Variants in KCNK2 observed in about 807,000 individuals in gnomAD.
The protein encoded by KCNK2 is potassium two pore domain channel subfamily K member 2.
KCNK2 carries 21 observed loss-of-function variants against 40.5 expected under a neutral mutation model. The observed-to-expected ratio is 0.52, with a 90% CI of 0.37 to 0.75. The LOEUF (loss-of-function observed/expected upper bound fraction) is 0.75. Among genes scored for constraint, KCNK2 ranks in the 30% least tolerant of loss-of-function variants. The probability of loss-of-function intolerance (pLI) is 0.00; values close to 1 mark genes in which losing one functional copy is unlikely to be tolerated. For synonymous variants in KCNK2, 191 were observed against 202.2 expected, an observed-to-expected ratio of 0.94 and a Z score of 0.47; for missense variants, 399 against 531.6, an observed-to-expected ratio of 0.75 and a Z score of 2.45.
At chr1:215,115,889 C>T (rs1011752172) in intron 2 of KCNK2, among the ~76,000 whole-genome samples, 18 of 151,680 alleles carry the variant, frequency 1.2e-4, no homozygotes, top group African/African-American at 3.4e-4. Context: ...AGGGAAATGC[C>T]GCTTCAGTGT....
chr1:215,106,305 C>T (rs536175513), intron 2 of KCNK2, among the ~76,000 whole-genome samples: 2 of 152,206 alleles, frequency 1.3e-5, no homozygotes, highest in South Asian at 4.1e-4. Flanking sequence ...GATGGTATCT[C>T]ATCGTAGTTT....
At position 215,182,059 on chromosome 1, in the gene KCNK2, G is replaced by C. The variant is rs561006829; in HGVS notation, c.823+9876G>C. ...GGAGATCTAAACTCTTAATCCAAGA[G>C]AGTAGTTGCTCCAGATGCCTGGAGA... is the stretch of plus-strand genomic sequence containing the variant. On this transcript the variant is annotated intron_variant, in intron 5 of 6. Coordinates refer to ENST00000444842, the MANE Select transcript of KCNK2 (RefSeq NM_001017425.3). Among the ~76,000 whole-genome samples, 4 of 152,300 alleles carry C rather than the reference G, an allele frequency of 2.6e-5. No individual in the cohort carries two copies. The South Asian group carries it at 6.2e-4, about 24-fold the overall frequency.
intron 5 of KCNK2, among the ~76,000 whole-genome samples, chr1:215,180,655 T>C (rs921033078): frequency 3.3e-5 from 5 of 152,152 alleles, no homozygotes; most frequent in Non-Finnish European, 7.4e-5. Flanking sequence ...CTGGTTGAAA[T>C]TTCTTTTCTT....
chr1:215,109,130 T>C lies in KCNK2; in HGVS notation c.358-15503T>C, dbSNP rs139684782. On this transcript the variant is annotated intron_variant, in intron 2 of 6. Transcript: ENST00000444842. ...TACATGTTAAATTTTGTTGCATGCA[T>C]AGAATGTGTAATGATTAAGTCAGGG... Among the ~76,000 whole-genome samples, 369 of 138,282 alleles carry C rather than the reference T, an allele frequency of 2.7e-3. 2 individuals carry two copies. Among genetic ancestry groups the C allele is most frequent in the African/African-American group, 0.012 (353 of 28,702 alleles). 90.7% of individuals were successfully genotyped at this position (138,282 alleles called of 152,430 possible). A position where few individuals can be genotyped will look rare whatever the true frequency, so the allele number is the denominator to read the frequency against.
intron 6 of KCNK2, among the ~76,000 whole-genome samples, chr1:215,230,217 G>A (rs942289378): frequency 4.0e-5 from 6 of 149,428 alleles, no homozygotes; most frequent in South Asian, 2.1e-4. Context: ...CATAGAGTGC[G>A]CTTACACAAA....
chr1:215,176,062 A>T (rs1663955278), intron 5 of KCNK2, among the ~76,000 whole-genome samples: 1 of 152,166 alleles, frequency 6.6e-6, no homozygotes, highest in South Asian at 2.1e-4. Flanking sequence ...TTCTTTGAGA[A>T]GTCTCCAAAC....
At chr1:215,177,845 A>G (rs1664053643) in intron 5 of KCNK2, among the ~76,000 whole-genome samples, 1 of 141,698 alleles carries the variant, frequency 7.1e-6, no homozygotes, top group Non-Finnish European at 1.5e-5. Flanking sequence ...TTTTAGGATT[A>G]CTTTGACTGT....
intron 1 of KCNK2, among the ~76,000 whole-genome samples, chr1:215,042,994 C>T (rs929104547): frequency 1.3e-5 from 2 of 152,126 alleles, no homozygotes; most frequent in Admixed American, 6.5e-5. Flanking sequence ...ATGTTTATTG[C>T]TATGCAGCCT....
chr1:215,209,806 A>T (rs866461526), intron 6 of KCNK2, among the ~76,000 whole-genome samples: 8 of 24,228 alleles, frequency 3.3e-4, no homozygotes, highest in South Asian at 2.0e-3. Context: ...AAAATATATA[A>T]TATATATAAA....
intron 2 of KCNK2, among the ~76,000 whole-genome samples, chr1:215,098,813 C>A (rs2102547811): frequency 6.6e-6 from 1 of 151,928 alleles, no homozygotes; most frequent in South Asian, 2.1e-4. Flanking sequence ...TAATTTGTCA[C>A]CTTATAGTAG....
chr1:215,045,545 A>T (rs778617394), intron 1 of KCNK2, among the ~76,000 whole-genome samples: 1 of 152,238 alleles, frequency 6.6e-6, no homozygotes, highest in Non-Finnish European at 1.5e-5. Flanking sequence ...AGGATTATGC[A>T]TATCTTGGGT....
chr1:215,090,845 G>A (rs562461548), intron 2 of KCNK2, among the ~76,000 whole-genome samples: 1 of 152,314 alleles, frequency 6.6e-6, no homozygotes, highest in East Asian at 1.9e-4. Context: ...CTCAGGTCTA[G>A]ATCTTCAGAG....
intron 6 of KCNK2, among the ~76,000 whole-genome samples, chr1:215,196,310 TC>T (rs1664862279): frequency 4.6e-5 from 7 of 151,978 alleles, no homozygotes; most frequent in Admixed American, 4.6e-4. Flanking sequence ...GGTCTAGAAC[TC>T]CTGACCTTCA....
At chr1:215,157,498 A>G (rs1368258157) in intron 3 of KCNK2, among the ~76,000 whole-genome samples, 4 of 152,204 alleles carry the variant, frequency 2.6e-5, no homozygotes, top group Non-Finnish European at 5.9e-5. Context: ...GGAAGCCAGA[A>G]TGACTGCCAT....
intron 1 of KCNK2, among the ~76,000 whole-genome samples, chr1:215,061,647 G>A (rs61818278): frequency 0.011 from 1,691 of 152,170 alleles, 38 homozygotes; most frequent in South Asian, 0.097. Flanking sequence ...AGAATTGAAA[G>A]TTAATCAATT....
intron 5 of KCNK2, among the ~76,000 whole-genome samples, chr1:215,185,607 T>C (rs949873798): frequency 2.6e-5 from 4 of 152,166 alleles, no homozygotes; most frequent in Non-Finnish European, 4.4e-5. Flanking sequence ...ATCTGGGAAA[T>C]ATCAATTATT....
At chr1:215,066,657 G>A (rs1658555808) in intron 1 of KCNK2, among the ~76,000 whole-genome samples, 1 of 152,096 alleles carries the variant, frequency 6.6e-6, no homozygotes, top group Non-Finnish European at 1.5e-5. Context: ...TTGCTTCCAT[G>A]CAATAGTCAG....
chr1:215,031,614 A>G (rs1023112854), intron 1 of KCNK2, among the ~76,000 whole-genome samples: 1 of 151,728 alleles, frequency 6.6e-6, no homozygotes, highest in Non-Finnish European at 1.5e-5. Context: ...CAAATTCTTC[A>G]AAATCTGAAA....
intron 6 of KCNK2, among the ~76,000 whole-genome samples, chr1:215,223,426 G>A (rs917171932): frequency 6.6e-6 from 1 of 151,982 alleles, no homozygotes; most frequent in Non-Finnish European, 1.5e-5. Context: ...GTTGAAGATT[G>A]CTTAAGAAGA....
Sources: gnomAD v4.1 joint callset for allele counts (sites outside exome capture counted in the v4.1 genomes callset) on GRCh38, gnomAD v4.1.1 for gene constraint, MANE v1.5 for transcripts, NCBI Gene and HGNC (gene_info 2026-07-23, HGNC 2026-07-21) for gene names.